The following SGCD variants were observed in gnomAD, a reference collection of about 807,000 sequenced individuals.
SGCD encodes delta-sarcoglycan.
In SGCD, 18 loss-of-function variants were observed where a neutral mutation model predicts 36.6. The observed-to-expected ratio is 0.49, with a 90% CI of 0.34 to 0.73. The LOEUF (loss-of-function observed/expected upper bound fraction) is 0.73, where lower values mean the gene tolerates loss of function less well. Among genes scored for constraint, SGCD ranks in the 30% least tolerant of loss-of-function variants. The pLI, the probability that SGCD is intolerant of heterozygous loss-of-function variation, is 0.01. For synonymous variants in SGCD, 133 were observed against 130.6 expected, an observed-to-expected ratio of 1.02 and a Z score of -0.12; for missense variants, 387 against 346.7, an observed-to-expected ratio of 1.12 and a Z score of -0.92.
intron 7 of SGCD, among the ~76,000 whole-genome samples, chr5:156,679,054 A>G (rs1346507288): frequency 6.6e-6 from 1 of 152,190 alleles, no homozygotes; most frequent in African/African-American, 2.4e-5. Context: ...CAGCATTTGT[A>G]TGGATTTCTG....
intron 1 of SGCD, among the ~76,000 whole-genome samples, chr5:156,114,385 A>G (rs994796569): frequency 6.6e-6 from 1 of 151,908 alleles, no homozygotes; most frequent in Non-Finnish European, 1.5e-5. Context: ...GCAAGCCACA[A>G]CTCTTTATAT....
intron 7 of SGCD, among the ~76,000 whole-genome samples, chr5:156,676,601 G>A (rs908855822): frequency 2.0e-5 from 3 of 152,070 alleles, no homozygotes; most frequent in African/African-American, 4.8e-5. Flanking sequence ...TGCGGTTCAC[G>A]AACAACTCCC....
intron 2 of SGCD, among the ~76,000 whole-genome samples, chr5:156,120,636 T>C (rs1361881824): frequency 6.6e-6 from 1 of 152,170 alleles, no homozygotes; most frequent in Non-Finnish European, 1.5e-5. Context: ...TGTAAGTACC[T>C]TTTCTCTGAA....
At chr5:156,111,106 A>T (rs1761774157) in intron 1 of SGCD, among the ~76,000 whole-genome samples, 1 of 152,194 alleles carries the variant, frequency 6.6e-6, no homozygotes, top group Non-Finnish European at 1.5e-5. Context: ...TGAATGAGAA[A>T]AAAGAAGAGA....
At chr5:156,215,927 TCAAA>T (rs1202299632) in intron 3 of SGCD, among the ~76,000 whole-genome samples, 2 of 152,140 alleles carry the variant, frequency 1.3e-5, no homozygotes, top group African/African-American at 4.8e-5. Flanking sequence ...TGACAGGAAA[TCAAA>T]CAAAGTTCTA....
At chr5:156,491,381 C>G (rs1367959220) in intron 3 of SGCD, among the ~76,000 whole-genome samples, 1 of 151,998 alleles carries the variant, frequency 6.6e-6, no homozygotes, top group African/African-American at 2.4e-5. Context: ...CTCTGAATAG[C>G]CAAACACTGA....
At chr5:155,961,319 A>C (rs1245308780) in intron 1 of SGCD, among the ~76,000 whole-genome samples, 1 of 152,110 alleles carries the variant, frequency 6.6e-6, no homozygotes. Context: ...GAGCAATTAC[A>C]TTTAAATTAG....
chr5:156,589,734 A>T (rs907213284), intron 5 of SGCD, among the ~76,000 whole-genome samples: 1 of 152,128 alleles, frequency 6.6e-6, no homozygotes, highest in Non-Finnish European at 1.5e-5. Flanking sequence ...TGTGAAAGGG[A>T]TTTTTAACTA....
the SGCD span, among the ~76,000 whole-genome samples, chr5:155,799,822 T>C: frequency 3.6e-5 from 5 of 138,582 alleles, no homozygotes; most frequent in South Asian, 2.5e-4. Context: ...CTTTTTTTTT[T>C]TTTTTTTTTT....
intron 2 of SGCD, among the ~76,000 whole-genome samples, chr5:156,336,283 C>T (rs546911952): frequency 6.6e-6 from 1 of 152,310 alleles, no homozygotes; most frequent in African/African-American, 2.4e-5. Context: ...CTTTGTGTTT[C>T]GTTCTCAGAT....
At chr5:156,191,641 C>T (rs567208466) in intron 3 of SGCD, among the ~76,000 whole-genome samples, 14 of 152,118 alleles carry the variant, frequency 9.2e-5, no homozygotes, top group African/African-American at 1.7e-4. Flanking sequence ...AGATGTGGGT[C>T]GTGTCTCTTT....
chr5:156,136,771 A>G (rs1029507397), intron 3 of SGCD, among the ~76,000 whole-genome samples: 1 of 152,226 alleles, frequency 6.6e-6, no homozygotes, highest in Admixed American at 6.5e-5. Flanking sequence ...ACTAAAAGCT[A>G]TAGGATTGAA....
At chr5:155,809,465 T>A in the SGCD span, among the ~76,000 whole-genome samples, 25 of 152,346 alleles carry the variant, frequency 1.6e-4, no homozygotes, top group South Asian at 3.3e-3. Context: ...CCAGCTTTTT[T>A]AAACCAGGGT....
chr5:155,770,715 G>A, the SGCD span, among the ~76,000 whole-genome samples: 2 of 152,130 alleles, frequency 1.3e-5, no homozygotes, highest in African/African-American at 4.8e-5. Context: ...TTCTCAGTAA[G>A]TACTTGTTGC....
chr5:156,191,385 C>G (rs6876263), intron 3 of SGCD, among the ~76,000 whole-genome samples: 1 of 151,856 alleles, frequency 6.6e-6, no homozygotes, highest in East Asian at 1.9e-4. Context: ...AAAAGGTAGA[C>G]GCATTAAAAG....
chr5:156,148,711 A>G (rs1762765178), intron 3 of SGCD, among the ~76,000 whole-genome samples: 1 of 152,126 alleles, frequency 6.6e-6, no homozygotes, highest in South Asian at 2.1e-4. Context: ...AACTCACTAG[A>G]CCAACTCAAA....
chr5:155,838,290 A>G, the SGCD span, among the ~76,000 whole-genome samples: 1 of 152,202 alleles, frequency 6.6e-6, no homozygotes, highest in East Asian at 1.9e-4. Context: ...AAACAAATTA[A>G]TTTGTTCAAA....
At chr5:156,583,132 A>G (rs1379003585) in intron 4 of SGCD, among the ~76,000 whole-genome samples, 1 of 152,202 alleles carries the variant, frequency 6.6e-6, no homozygotes, top group Non-Finnish European at 1.5e-5. Context: ...TTTAGTATAC[A>G]GTGGAAGGCA....
chr5:156,425,199 A>G (rs897115902), intron 3 of SGCD, among the ~76,000 whole-genome samples: 3 of 152,030 alleles, frequency 2.0e-5, no homozygotes, highest in Non-Finnish European at 2.9e-5. Context: ...GTGCACTGAA[A>G]GCTGGTAATT....
Sources: gnomAD v4.1 joint callset for allele counts (sites outside exome capture counted in the v4.1 genomes callset) on GRCh38, gnomAD v4.1.1 for gene constraint, MANE v1.5 for transcripts, NCBI Gene and HGNC (gene_info 2026-07-23, HGNC 2026-07-21) for gene names.